Variants in SAMD3 observed in about 807,000 individuals in gnomAD.
SAMD3 encodes the protein sterile alpha motif domain-containing protein 3.
Under a neutral mutation model 58.5 loss-of-function variants are expected in SAMD3, and 63 were observed. The ratio of observed to expected loss-of-function variants is 1.08; its 90% CI spans 0.88 to 1.33. SAMD3 has a LOEUF of 1.33. Among genes scored for constraint, SAMD3 ranks in the 40% most tolerant of loss-of-function variants. SAMD3 has a pLI of 0.00. For synonymous variants in SAMD3, 220 were observed against 210.3 expected (o/e 1.05, Z -0.40); for missense variants, 604 against 608.4 (o/e 0.99, Z 0.08).
intron 1 of SAMD3, among the ~76,000 whole-genome samples, chr6:130,329,062 CTCTT>C (rs1776845564): frequency 6.6e-6 from 1 of 151,992 alleles, no homozygotes; most frequent in African/African-American, 2.4e-5. Flanking sequence ...CTCTCTCTCT[CTCTT>C]ATCTATCACC....
intron 8 of SAMD3, among the ~76,000 whole-genome samples, chr6:130,155,995 T>G (rs937545967): frequency 2.0e-5 from 3 of 152,180 alleles, no homozygotes; most frequent in African/African-American, 7.2e-5. Context: ...AGACAAAATC[T>G]ACTTAACTTT....
At chr6:130,194,427 C>T (rs1046252536) in intron 5 of SAMD3, among the ~76,000 whole-genome samples, 2 of 152,134 alleles carry the variant, frequency 1.3e-5, no homozygotes, top group African/African-American at 4.8e-5. Context: ...AAATTCTGGC[C>T]CTCAAACCCT....
rs1795926649 is a variant in SAMD3, at chr6:130,215,184, A to C, written c.79+11T>G. The C allele has an allele frequency of 2.6e-6, 4 of 1,515,122 alleles. No homozygotes were observed. Among genetic ancestry groups the C allele is most frequent in the Non-Finnish European group, 3.7e-6 (4 of 1,092,926 alleles). The allele number at this position is 1,515,122 out of a possible 1,614,324, so 93.9% of individuals were successfully genotyped here. ...CTCAATTAAAATTTTTGGAAAGCATAAACAACTCACCTTGAAATCTATGAA... is the reference window on the plus strand; with the variant it reads ...CTCAATTAAAATTTTTGGAAAGCATCAACAACTCACCTTGAAATCTATGAA... On this transcript the variant is annotated intron_variant, in intron 3 of 11. Transcript: ENST00000439090.
chr6:130,188,337 A>T (rs1216474334), intron 5 of SAMD3, among the ~76,000 whole-genome samples: 1 of 152,200 alleles, frequency 6.6e-6, no homozygotes, highest in African/African-American at 2.4e-5. Context: ...AGAAACACAG[A>T]TGTTACATGA....
intron 1 of SAMD3, among the ~76,000 whole-genome samples, chr6:130,339,854 C>G (rs1055993906): frequency 2.0e-5 from 3 of 151,162 alleles, no homozygotes; most frequent in Non-Finnish European, 4.4e-5. Context: ...GGATATAAGT[C>G]CTGATTCAAT....
chr6:130,262,143 C>A (rs537968978), intron 2 of SAMD3, among the ~76,000 whole-genome samples: 1 of 152,076 alleles, frequency 6.6e-6, no homozygotes, highest in Non-Finnish European at 1.5e-5. Flanking sequence ...AGGTATTCTT[C>A]GTAAGCCTAT....
At chr6:130,168,193 G>T (rs1353989374) in intron 8 of SAMD3, among the ~76,000 whole-genome samples, 1 of 152,128 alleles carries the variant, frequency 6.6e-6, no homozygotes, top group African/African-American at 2.4e-5. Context: ...TAGCACTTTG[G>T]GAGGCCAAGG....
Position 130,318,193 on chromosome 6 carries a change from T to C in SAMD3, c.-303-5100A>G, listed in dbSNP as rs150408276. Among the ~76,000 whole-genome samples, 180 of 152,290 alleles carry C rather than the reference T, an allele frequency of 1.2e-3. 1 individual carries two copies. The highest frequency in any genetic ancestry group is 4.1e-3 in the African/African-American group (172 of 41,566). On this transcript the variant is annotated intron_variant, in intron 1 of 13. Coordinates refer to the SAMD3 transcript ENST00000368134. ...AAAGCCTCATAATTCAGTGGGCATT[T>C]GAGTAGAGTACTCAGAAGAATTTTG...
In SAMD3 at chr6:130,146,067, T is replaced by C; in HGVS notation, c.1138A>G (p.Ile380Val). ...ATTTTTTCTTGCAATACAATATTGA[T>C]TGGATTGTCCACCACTGAAAAAGAA... ...LTSFSVVDNP[I>V]NIVLQEKMKH... The change falls in exon 10 of 12, where the codon ATC becomes GTC. Residue 380 changes from isoleucine to valine, a missense_variant. Coordinates refer to ENST00000439090, the MANE Select transcript of SAMD3 (RefSeq NM_001017373.4). 7 of 1,596,190 alleles carry C rather than the reference T, an allele frequency of 4.4e-6. No homozygotes were observed. The highest frequency in any genetic ancestry group is 6.0e-6 in the Non-Finnish European group (7 of 1,172,560).
chr6:130,298,746 G>T (rs771051856), intron 2 of SAMD3, among the ~76,000 whole-genome samples: 1 of 152,054 alleles, frequency 6.6e-6, no homozygotes, highest in Non-Finnish European at 1.5e-5. Context: ...TATCTTATGT[G>T]TAAAAACATT....
intron 8 of SAMD3, among the ~76,000 whole-genome samples, chr6:130,173,809 C>T (rs1397088189): frequency 2.0e-5 from 3 of 152,232 alleles, no homozygotes; most frequent in African/African-American, 2.4e-5. Context: ...GCCCCTTCCC[C>T]CAGGCACTCT....
chr6:130,302,308 C>T (rs1775775521), intron 2 of SAMD3, among the ~76,000 whole-genome samples: 1 of 151,974 alleles, frequency 6.6e-6, no homozygotes, highest in African/African-American at 2.4e-5. Flanking sequence ...ATACAAGAGG[C>T]CAACAAACAT....
At chr6:130,363,583 G>A (rs982417461) in intron 1 of SAMD3, among the ~76,000 whole-genome samples, 2 of 152,084 alleles carry the variant, frequency 1.3e-5, no homozygotes, top group Admixed American at 6.6e-5. Context: ...GTGACTTGTA[G>A]GAAGAATATT....
chr6:130,171,708 C>T (rs1445833056), intron 8 of SAMD3, among the ~76,000 whole-genome samples: 8 of 152,140 alleles, frequency 5.3e-5, no homozygotes, highest in South Asian at 2.1e-4. Context: ...GAGAGTTCTG[C>T]AGATATCTAT....
chr6:130,209,164 T>C (rs145753638), intron 5 of SAMD3, among the ~76,000 whole-genome samples: 3 of 152,364 alleles, frequency 2.0e-5, no homozygotes, highest in African/African-American at 4.8e-5. Context: ...GGATATTCTA[T>C]AGAACATTAT....
At chr6:130,301,450 A>G (rs1775745062) in intron 2 of SAMD3, among the ~76,000 whole-genome samples, 1 of 152,168 alleles carries the variant, frequency 6.6e-6, no homozygotes, top group Admixed American at 6.5e-5. Flanking sequence ...ACAAATGGAA[A>G]AGTATCCCAT....
chr6:130,351,732 T>C (rs1450877899), intron 1 of SAMD3, among the ~76,000 whole-genome samples: 3 of 152,180 alleles, frequency 2.0e-5, no homozygotes, highest in Non-Finnish European at 2.9e-5. Flanking sequence ...CAAAGGATTA[T>C]AAAACATGCT....
Position 130,157,390 on chromosome 6 carries a change from G to A in SAMD3, c.823-2365C>T, listed in dbSNP as rs188124867. On this transcript the variant is annotated intron_variant, in intron 8 of 11. Coordinates refer to ENST00000439090, the MANE Select transcript of SAMD3 (RefSeq NM_001017373.4). ...GTCTCACTCTGTCACCCAGGCTGAA[G>A]TGCAGTGGCGTGATCACAGCTCAGT... 7.8e-3 allele frequency among the ~76,000 whole-genome samples: 1,184 copies of A among 151,426 alleles called. 65 individuals are homozygous for A. The highest frequency in any genetic ancestry group is 0.072 in the Admixed American group (1,095 of 15,232).
rs996238303 is a variant in SAMD3, at chr6:130,292,854, G to C, written c.-188+20124C>G. On this transcript the variant is annotated intron_variant, in intron 2 of 13. Transcript: ENST00000368134. Reference sequence around the variant, plus strand: ...AGGATGGTCTCGATCTCCTGACCTCGTGATCTGCCCGCCTCGGCCTCCCAA... The same window carrying C: ...AGGATGGTCTCGATCTCCTGACCTCCTGATCTGCCCGCCTCGGCCTCCCAA... Among the ~76,000 whole-genome samples the C allele has an allele frequency of 1.3e-4, 20 of 151,496 alleles. No individual in the cohort carries two copies. In the East Asian group the frequency reaches 3.9e-3, roughly 30 times the overall value.
Sources: gnomAD v4.1 joint callset for allele counts (sites outside exome capture counted in the v4.1 genomes callset) on GRCh38, gnomAD v4.1.1 for gene constraint, MANE v1.5 for transcripts, NCBI Gene and HGNC (gene_info 2026-07-23, HGNC 2026-07-21) for gene names.